The following GRK7 variants were observed in gnomAD, a reference collection of about 807,000 sequenced individuals.
GRK7 encodes the protein rhodopsin kinase GRK7.
A neutral mutation model predicts 34.1 loss-of-function variants in GRK7; 24 were observed. That is an observed-to-expected ratio of 0.70 (90% CI 0.51 to 0.99). The LOEUF (loss-of-function observed/expected upper bound fraction) is 0.99. GRK7 is among the 50% of genes least tolerant of loss of function. The probability of loss-of-function intolerance (pLI) is 0.00; values close to 1 mark genes in which losing one functional copy is unlikely to be tolerated. For missense variants in GRK7, 644 were observed against 707.3 expected (o/e 0.91, Z 1.02); for synonymous variants, 256 against 279.4 (o/e 0.92, Z 0.84).
At chr3:141,809,170 C>G (rs984015906) in intron 5 of GRK7, among the ~76,000 whole-genome samples, 1 of 152,022 alleles carries the variant, frequency 6.6e-6, no homozygotes, top group Non-Finnish European at 1.5e-5. Context: ...CCACTGCACT[C>G]CAGCCTGGGC....
At chr3:141,773,615 C>T (rs906113799) in intron 1 of GRK7, among the ~76,000 whole-genome samples, 11 of 152,190 alleles carry the variant, frequency 7.2e-5, no homozygotes, top group South Asian at 6.2e-4. Flanking sequence ...GGGGTTTCAC[C>T]GTGTTAGCCA....
intron 1 of GRK7, among the ~76,000 whole-genome samples, 45 bp from the exon 2 acceptor site, chr3:141,774,535 T>A (rs1373001121): frequency 5.9e-5 from 9 of 152,206 alleles, no homozygotes; most frequent in Non-Finnish European, 1.3e-4. Flanking sequence ...TCCCCAGTGA[T>A]AAGCTTAAAT....
intron 3 of GRK7, 22 bp from the exon 4 acceptor site, chr3:141,780,352 C>T: frequency 6.2e-7 from 1 of 1,602,176 alleles, no homozygotes; most frequent in African/African-American, 1.3e-5. Flanking sequence ...ACCTCTTTCT[C>T]TTCTTTTCTT....
intron 1 of GRK7, among the ~76,000 whole-genome samples, chr3:141,772,962 C>T (rs1577911140): frequency 6.6e-6 from 1 of 151,734 alleles, no homozygotes. Context: ...AAGGTGAGAC[C>T]CCATCTCTAC....
In GRK7 at chr3:141,819,194, C is replaced by T. The variant is rs992305014; in HGVS notation, c.*2144C>T. Among the ~76,000 whole-genome samples the T allele has an allele frequency of 8.5e-5, 13 of 152,198 alleles. No individual in the cohort carries two copies. Among genetic ancestry groups the T allele is most frequent in the Admixed American group, 2.6e-4 (4 of 15,288 alleles). On this transcript the variant is annotated 3_prime_UTR_variant, in exon 6 of 6. Coordinates refer to ENST00000682958, the MANE Select transcript of GRK7 (RefSeq NM_139209.3). ...AGTTCTCAGGATTGGGCTTTATAGA[C>T]GTTAGACATTTAAAAACAACATTGG...
At chr3:141,783,386 AG>A (rs2084680927) in intron 4 of GRK7, among the ~76,000 whole-genome samples, 1 of 152,250 alleles carries the variant, frequency 6.6e-6, no homozygotes, top group South Asian at 2.1e-4. Flanking sequence ...CCCACGTTGT[AG>A]ATGTGGAACT....
intron 4 of GRK7, among the ~76,000 whole-genome samples, chr3:141,783,691 T>G (rs2084682745): frequency 6.6e-6 from 1 of 151,560 alleles, no homozygotes; most frequent in African/African-American, 2.4e-5. Flanking sequence ...GGGGATACAG[T>G]GGGGAAATGG....
Position 141,778,723 on chromosome 3 carries a change from G to C in GRK7, c.439G>C (p.Val147Leu). The change falls in exon 3 of 6, where the codon GTG becomes CTG. Residue 147 changes from valine (V) to leucine (L), a missense_variant. Coordinates refer to ENST00000682958, the MANE Select transcript of GRK7 (RefSeq NM_139209.3). This position sits in a 1 kb window ranked among gnomAD's most constrained non-coding sequence, Gnocchi z 4.1. Reference protein sequence around the residue: ...ATTEEERVAAVTLAKAEAMAF... With the variant: ...ATTEEERVAALTLAKAEAMAF... ...CACTGAGGAAGAGCGAGTGGCTGCA[G>C]TGACGCTGGCCAAGGCTGAGGCCAT... 1.9e-6 allele frequency: 3 copies of C among 1,612,488 alleles called. No individual in the cohort carries two copies. The highest frequency in any genetic ancestry group is 2.5e-6 in the Non-Finnish European group (3 of 1,179,076).
chr3:141,781,763 A>C (rs1274206350), intron 4 of GRK7, among the ~76,000 whole-genome samples: 1 of 152,168 alleles, frequency 6.6e-6, no homozygotes, highest in Non-Finnish European at 1.5e-5. Flanking sequence ...GTTCAAAGTG[A>C]CTTGCTTAAA....
chr3:141,778,942 T>A lies in GRK7; in HGVS notation c.612+46T>A, dbSNP rs548031982. The A allele has an allele frequency of 6.5e-7, 1 of 1,526,962 alleles. No homozygotes were observed. Among genetic ancestry groups the A allele is most frequent in the Non-Finnish European group, 8.8e-7 (1 of 1,134,462 alleles). The allele number at this position is 1,526,962 out of a possible 1,614,324, so 94.6% of individuals were successfully genotyped here. A position where few individuals can be genotyped will look rare whatever the true frequency, so the allele number is the denominator to read the frequency against. ...AGGCTAGAAGGTGAAGCATAGAGCA[T>A]GAAAGGGGGTAATGTTGCCTTTCTT... On this transcript the variant is annotated intron_variant, in intron 3 of 5. Transcript: ENST00000682958. This position sits in a 1 kb window ranked among gnomAD's most constrained non-coding sequence, Gnocchi z 4.1.
chr3:141,813,175 G>A (rs1299822900), intron 5 of GRK7, among the ~76,000 whole-genome samples: 1 of 152,156 alleles, frequency 6.6e-6, no homozygotes, highest in Admixed American at 6.6e-5. Flanking sequence ...ACCCAGGCTG[G>A]ACTGCAATGG....
At chr3:141,779,317 G>A (rs922146481) in intron 3 of GRK7, among the ~76,000 whole-genome samples, 6 of 149,570 alleles carry the variant, frequency 4.0e-5, no homozygotes, top group African/African-American at 1.5e-4. Context: ...TTGGGAGGCT[G>A]AAGCAGGAGA....
chr3:141,773,047 A>T (rs1011349745), intron 1 of GRK7, among the ~76,000 whole-genome samples: 2 of 151,802 alleles, frequency 1.3e-5, no homozygotes, highest in African/African-American at 4.8e-5. Flanking sequence ...GATGTACGAG[A>T]ATTGCTTGAA....
At chr3:141,790,140 T>C (rs2084716751) in intron 4 of GRK7, among the ~76,000 whole-genome samples, 1 of 152,122 alleles carries the variant, frequency 6.6e-6, no homozygotes, top group South Asian at 2.1e-4. Context: ...TAGCTGGGAT[T>C]ACAAGCGCAT....
Position 141,817,338 on chromosome 3 carries a change from A to T in GRK7, c.*288A>T, listed in dbSNP as rs1248460684. On this transcript the variant is annotated 3_prime_UTR_variant, in exon 6 of 6. Coordinates refer to ENST00000682958, the MANE Select transcript of GRK7 (RefSeq NM_139209.3). Reference sequence around the variant, plus strand: ...GCCTTTTACCATCATGTCCCTGTGTATTACGCAAAGTCCTAGGAACAGAGA... The same window carrying T: ...GCCTTTTACCATCATGTCCCTGTGTTTTACGCAAAGTCCTAGGAACAGAGA... 2.9e-5 allele frequency: 9 copies of T among 307,224 alleles called. No homozygotes were observed. Among genetic ancestry groups the T allele is most frequent in the Non-Finnish European group, 3.6e-5 (6 of 167,100 alleles). The allele number at this position is 307,224 out of a possible 1,614,324, so 19.0% of individuals were successfully genotyped here.
At position 141,785,288 on chromosome 3, in the gene GRK7, A is replaced by G. The variant is rs568797494; in HGVS notation, c.1050+4477A>G. 1.5e-3 allele frequency among the ~76,000 whole-genome samples: 236 copies of G among 152,312 alleles called. 1 individual carries two copies. The highest frequency in any genetic ancestry group is 2.2e-3 in the Non-Finnish European group (148 of 68,032). On this transcript the variant is annotated intron_variant, in intron 4 of 5. Coordinates refer to ENST00000682958, the MANE Select transcript of GRK7 (RefSeq NM_139209.3). ...ATAAGTTGGGATTTCTTTCTACTAA[A>G]TATAACAGAATACCAGATTTTGGTA...
Position 141,819,320 on chromosome 3 carries a change from A to AT in GRK7, c.*2271dup. Among the ~76,000 whole-genome samples, 1 of 152,364 alleles carries AT rather than the reference A, an allele frequency of 6.6e-6. No individual in the cohort carries two copies. The highest frequency in any genetic ancestry group is 2.4e-5 in the African/African-American group (1 of 41,592). The stretch of plus-strand genomic sequence containing the variant: ...TTAAAAGGACAAAAAATTTGGAGAG[A>AT]TAAAAAAATAAAAATGTCTTGTTGC... On this transcript the variant is annotated 3_prime_UTR_variant, in exon 6 of 6. Transcript: ENST00000682958.
At chr3:141,759,268 TTCAG>T (rs1290796871), upstream of GRK7, among the ~76,000 whole-genome samples, 7 of 138,628 alleles carry the variant, frequency 5.0e-5, no homozygotes, top group African/African-American at 1.3e-4. Flanking sequence ...TTTTTGCCCA[TTCAG>T]TATGATATTG....
intron 3 of GRK7, 97 bp from the exon 4 acceptor site, chr3:141,780,277 C>T (rs2084665230): frequency 2.0e-6 from 2 of 1,023,070 alleles, no homozygotes; most frequent in Non-Finnish European, 1.4e-6. Context: ...TTCTCCAATG[C>T]CTAACATCTT....
Sources: allele counts gnomAD v4.1 joint callset (sites outside exome capture counted in the v4.1 genomes callset), GRCh38; gene constraint gnomAD v4.1.1; non-coding constraint Gnocchi (gnomAD v3.1); transcripts MANE v1.5; gene names NCBI Gene and HGNC (gene_info 2026-07-23, HGNC 2026-07-21).